The following ERC2 variants were observed in gnomAD, a reference collection of about 807,000 sequenced individuals.
ERC2 encodes ERC protein 2.
In ERC2, 42 loss-of-function variants were observed where a neutral mutation model predicts 114.8. The ratio of observed to expected loss-of-function variants is 0.37; its 90% CI spans 0.29 to 0.47. The LOEUF (loss-of-function observed/expected upper bound fraction) is 0.47, where lower values mean the gene tolerates loss of function less well. Among genes scored for constraint, ERC2 ranks in the 20% least tolerant of loss-of-function variants. ERC2 has a pLI of 0.99. For synonymous variants in ERC2, 454 were observed against 425.5 expected, an observed-to-expected ratio of 1.07 and a Z score of -0.82; for missense variants, 939 against 1,150.7, an observed-to-expected ratio of 0.82 and a Z score of 2.66.
At chr3:56,465,701 C>T (rs2063513790) in intron 1 of ERC2, among the ~76,000 whole-genome samples, 1 of 152,086 alleles carries the variant, frequency 6.6e-6, no homozygotes, top group Non-Finnish European at 1.5e-5. Flanking sequence ...TTTATCGAGC[C>T]AAAATTTTTA....
intron 6 of ERC2, among the ~76,000 whole-genome samples, chr3:56,126,000 T>A (rs2079843211): frequency 1.3e-5 from 2 of 152,206 alleles, no homozygotes; most frequent in Non-Finnish European, 2.9e-5. Context: ...TGTAATGAAC[T>A]CCATGTACCC....
chr3:55,686,606 C>T (rs2062346258), intron 16 of ERC2, among the ~76,000 whole-genome samples: 1 of 152,196 alleles, frequency 6.6e-6, no homozygotes, highest in South Asian at 2.1e-4. Context: ...CCTTACTGCA[C>T]AGAAATGTAA....
chr3:55,725,665 A>G (rs548788335), intron 15 of ERC2, among the ~76,000 whole-genome samples: 5 of 152,194 alleles, frequency 3.3e-5, no homozygotes, highest in African/African-American at 4.8e-5. Flanking sequence ...GTTTAGGGAG[A>G]TGAACTAAAA....
intron 14 of ERC2, among the ~76,000 whole-genome samples, chr3:55,839,790 G>A (rs536343531): frequency 6.6e-6 from 1 of 151,778 alleles, no homozygotes; most frequent in East Asian, 1.9e-4. Flanking sequence ...CGAAAAGATG[G>A]GGCAAATAAA....
chr3:55,899,497 G>A (rs1231093365), intron 13 of ERC2, among the ~76,000 whole-genome samples: 3 of 152,118 alleles, frequency 2.0e-5, no homozygotes, highest in Non-Finnish European at 4.4e-5. Flanking sequence ...GAATACGTGT[G>A]TGAGTGTGTG....
chr3:55,902,660 C>T (rs2149347623), intron 13 of ERC2, among the ~76,000 whole-genome samples: 1 of 152,290 alleles, frequency 6.6e-6, no homozygotes, highest in Non-Finnish European at 1.5e-5. Flanking sequence ...TAAACCTTGC[C>T]TCTCTTCCAG....
At chr3:55,586,697 C>G (rs1052332851) in intron 17 of ERC2, among the ~76,000 whole-genome samples, 1 of 152,156 alleles carries the variant, frequency 6.6e-6, no homozygotes, top group Non-Finnish European at 1.5e-5. Context: ...AAAGAAAATG[C>G]AAATGCCTTG....
intron 12 of ERC2, among the ~76,000 whole-genome samples, chr3:55,974,408 G>A (rs2069417507): frequency 6.6e-6 from 1 of 152,204 alleles, no homozygotes. Context: ...TCAGAGAGTT[G>A]TTTTCCAAAA....
At chr3:56,195,333 C>T (rs1359687810) in intron 3 of ERC2, among the ~76,000 whole-genome samples, 1 of 152,070 alleles carries the variant, frequency 6.6e-6, no homozygotes, top group Non-Finnish European at 1.5e-5. Flanking sequence ...CTTAGAATGG[C>T]ATGCAATTTA....
At chr3:56,303,960 G>A (rs1485852287) in intron 2 of ERC2, among the ~76,000 whole-genome samples, 1 of 152,026 alleles carries the variant, frequency 6.6e-6, no homozygotes, top group Non-Finnish European at 1.5e-5. Context: ...ACAGACACAA[G>A]GAAACTTCCA....
At chr3:56,287,309 T>C (rs770006603) in intron 3 of ERC2, among the ~76,000 whole-genome samples, 17 of 152,136 alleles carry the variant, frequency 1.1e-4, no homozygotes, top group Admixed American at 2.0e-4. Flanking sequence ...ATTCAAGAAG[T>C]TAAAAAAATT....
intron 5 of ERC2, among the ~76,000 whole-genome samples, chr3:56,144,704 T>C (rs2081049541): frequency 2.0e-5 from 3 of 152,240 alleles, no homozygotes; most frequent in African/African-American, 7.2e-5. Context: ...TTGATAATGA[T>C]AAAACTATTT....
At chr3:56,388,405 T>C (rs1467857565) in intron 2 of ERC2, among the ~76,000 whole-genome samples, 1 of 152,154 alleles carries the variant, frequency 6.6e-6, no homozygotes, top group East Asian at 1.9e-4. Flanking sequence ...TCCCCTTCAC[T>C]TTCAGCCATG....
In ERC2 at chr3:55,868,102, G is replaced by A. The variant is rs117184303; in HGVS notation, c.2564+20287C>T. 7.4e-4 allele frequency among the ~76,000 whole-genome samples: 113 copies of A among 152,178 alleles called. No homozygotes were observed. In the East Asian group the frequency reaches 0.011, roughly 15 times the overall value. ...CTCCTGCTTTCCTGACGATGTGTAC[G>A]TTTCTACATATTAAAGAAGAATTTC... On this transcript the variant is annotated intron_variant, in intron 14 of 17. Transcript: ENST00000288221.
intron 13 of ERC2, among the ~76,000 whole-genome samples, chr3:55,941,378 TA>T (rs2066781992): frequency 6.6e-6 from 1 of 152,124 alleles, no homozygotes; most frequent in Non-Finnish European, 1.5e-5. Flanking sequence ...TGTCTAAGAT[TA>T]CACCCTTCTC....
chr3:55,924,894 G>C (rs947769108), intron 13 of ERC2, among the ~76,000 whole-genome samples: 9 of 152,160 alleles, frequency 5.9e-5, no homozygotes, highest in Non-Finnish European at 1.2e-4. Context: ...GTGTGAGCTT[G>C]ATCTGACTAG....
chr3:55,714,669 A>G (rs879948666), intron 15 of ERC2, among the ~76,000 whole-genome samples: 24 of 5,762 alleles, frequency 4.2e-3, no homozygotes, highest in African/African-American at 0.014. Context: ...GTGTGTGTGT[A>G]TATATATATA....
chr3:55,999,147 G>T (rs571693393), intron 10 of ERC2, among the ~76,000 whole-genome samples: 1 of 152,098 alleles, frequency 6.6e-6, no homozygotes, highest in Admixed American at 6.6e-5. Context: ...GATGAAACAC[G>T]CATATTATTT....
chr3:56,406,798 T>C (rs947227848), intron 2 of ERC2, among the ~76,000 whole-genome samples: 6 of 152,182 alleles, frequency 3.9e-5, no homozygotes, highest in African/African-American at 1.2e-4. Context: ...CAAAAACTCT[T>C]AATTTTGTTA....
Sources: allele counts gnomAD v4.1 joint callset (sites outside exome capture counted in the v4.1 genomes callset), GRCh38; gene constraint gnomAD v4.1.1; transcripts MANE v1.5; gene names NCBI Gene and HGNC (gene_info 2026-07-23, HGNC 2026-07-21).